The following BRF1 variants were observed in gnomAD, a reference collection of about 807,000 sequenced individuals.
BRF1 encodes BRF1 general transcription factor IIIB subunit.
BRF1 carries 59 observed loss-of-function variants against 81.7 expected under a neutral mutation model. That is an observed-to-expected ratio of 0.72 (90% CI 0.59 to 0.90). The LOEUF is 0.90. Among genes scored for constraint, BRF1 ranks in the 40% least tolerant of loss-of-function variants. The pLI, the probability that BRF1 is intolerant of heterozygous loss-of-function variation, is 0.00. For synonymous variants in BRF1, 491 were observed against 395.6 expected, an observed-to-expected ratio of 1.24 and a Z score of -2.86; for missense variants, 1,050 against 936.3, an observed-to-expected ratio of 1.12 and a Z score of -1.58.
intron 2 of BRF1, among the ~76,000 whole-genome samples, chr14:105,281,341 C>A (rs1156429854): frequency 4.2e-5 from 6 of 142,552 alleles, no homozygotes; most frequent in African/African-American, 1.1e-4. Flanking sequence ...TGATCCTGAG[C>A]CCAGGTGTGC....
chr14:105,252,719 G>T, intron 4 of BRF1, 140 bp from the exon 5 acceptor site: 2 of 892,148 alleles, frequency 2.2e-6, no homozygotes, highest in Non-Finnish European at 3.3e-6. Flanking sequence ...CCGCAAGCCT[G>T]GCTGGCCTCC....
At chr14:105,244,591 T>C (rs983822862) in intron 5 of BRF1, among the ~76,000 whole-genome samples, 6 of 151,926 alleles carry the variant, frequency 3.9e-5, no homozygotes, top group Non-Finnish European at 5.9e-5. Flanking sequence ...CATTTCATCA[T>C]GGAAAGGAAC....
chr14:105,248,657 G>A (rs1290360236), intron 5 of BRF1: 4 of 980,834 alleles, frequency 4.1e-6, no homozygotes, highest in Middle Eastern at 5.2e-4. Flanking sequence ...TCGCAGGGGC[G>A]GGGGTGGCAG....
At position 105,271,436 on chromosome 14, in the gene BRF1, T is replaced by G. The variant is rs2056650348; in HGVS notation, c.439+1285A>C. On this transcript the variant is annotated intron_variant, in intron 3 of 17. Coordinates refer to ENST00000547530, the MANE Select transcript of BRF1 (RefSeq NM_001519.4). The surrounding 1 kb of genome is among the most constrained non-coding windows in gnomAD (Gnocchi z 5.5). Reference sequence around the variant, plus strand: ...GCAAGGCGACGGCAGGGGCGCAGGCTGGGAGGCAGACATGTGGCCGGGCAC... The same window carrying G: ...GCAAGGCGACGGCAGGGGCGCAGGCGGGGAGGCAGACATGTGGCCGGGCAC... 1.3e-5 allele frequency among the ~76,000 whole-genome samples: 2 copies of G among 152,158 alleles called. No individual in the cohort carries two copies. The highest frequency in any genetic ancestry group is 4.8e-5 in the African/African-American group (2 of 41,426).
chr14:105,313,736 C>T (rs1206271085), intron 1 of BRF1, among the ~76,000 whole-genome samples: 2 of 152,204 alleles, frequency 1.3e-5, no homozygotes, highest in Non-Finnish European at 2.9e-5. Flanking sequence ...AAGAGAAAAG[C>T]AACTGTAAAC....
chr14:105,225,938 G>A, intron 10 of BRF1, 131 bp downstream of exon 10: 2 of 952,840 alleles, frequency 2.1e-6, no homozygotes, highest in Non-Finnish European at 3.1e-6. Flanking sequence ...GAGCCACCCT[G>A]CCCGGTGGTA....
At chr14:105,306,525 G>A (rs587764542) in intron 1 of BRF1, among the ~76,000 whole-genome samples, 3 of 152,122 alleles carry the variant, frequency 2.0e-5, no homozygotes, top group East Asian at 1.9e-4. Flanking sequence ...GGATGGCCTC[G>A]ATCTCCTGAC....
intron 1 of BRF1, among the ~76,000 whole-genome samples, chr14:105,296,077 T>C (rs1156991205): frequency 1.1e-4 from 9 of 84,114 alleles, no homozygotes; most frequent in African/African-American, 4.8e-4. Flanking sequence ...CGACACTCTA[T>C]CTCAAAAAAA....
intron 3 of BRF1, among the ~76,000 whole-genome samples, chr14:105,266,046 G>A (rs1251344242): frequency 1.3e-5 from 2 of 152,132 alleles, no homozygotes; most frequent in East Asian, 3.8e-4. Context: ...ACTCCAGCCT[G>A]GGTGAGGCAG....
chr14:105,284,353 C>T lies in BRF1; in HGVS notation c.265+1943G>A, dbSNP rs2057235141. On this transcript the variant is annotated intron_variant, in intron 2 of 17. Coordinates refer to ENST00000547530, the MANE Select transcript of BRF1 (RefSeq NM_001519.4). This position sits in a 1 kb window ranked among gnomAD's most constrained non-coding sequence, Gnocchi z 4.0. ...CACAAGGGAAGCGTAAGGATCCATCCACTCTGCTGTGAGGGATCATCGCAA... is the reference window on the plus strand; with the variant it reads ...CACAAGGGAAGCGTAAGGATCCATCTACTCTGCTGTGAGGGATCATCGCAA... Among the ~76,000 whole-genome samples, 1 of 152,166 alleles carries T rather than the reference C, an allele frequency of 6.6e-6. No individual in the cohort carries two copies. The highest frequency in any genetic ancestry group is 6.5e-5 in the Admixed American group (1 of 15,274).
chr14:105,315,019 GC>G lies in BRF1; in HGVS notation c.-162+302del. 1 of 1,226,110 alleles carries G rather than the reference GC, an allele frequency of 8.2e-7. No individual in the cohort carries two copies. The highest frequency in any genetic ancestry group is 1.0e-6 in the Non-Finnish European group (1 of 965,528). 76.0% of individuals were successfully genotyped at this position (1,226,110 alleles called of 1,614,324 possible). The stretch of plus-strand genomic sequence containing the variant: ...GCCACCTGGGAGGTGGACGGCTCCA[GC>G]CCCAGCTGCGTGCCCAGGTACGCGC... On this transcript the variant is annotated intron_variant, in intron 1 of 17. Transcript: ENST00000327359. This position sits in a 1 kb window ranked among gnomAD's most constrained non-coding sequence, Gnocchi z 4.4.
intron 10 of BRF1, among the ~76,000 whole-genome samples, chr14:105,225,287 T>C (rs899875120): frequency 6.6e-6 from 1 of 152,108 alleles, no homozygotes; most frequent in Non-Finnish European, 1.5e-5. Context: ...AAAAACAAGA[T>C]TCTAAGCCCC....
chr14:105,222,601 G>A (rs1892454747), intron 10 of BRF1: 1 of 152,056 alleles, frequency 6.6e-6, no homozygotes, highest in African/African-American at 2.4e-5. Flanking sequence ...TCCACGCATG[G>A]TGCTAACCCT....
chr14:105,228,712 C>CG (rs1472500738), intron 7 of BRF1, 108 bp downstream of exon 7: 1 of 1,278,726 alleles, frequency 7.8e-7, no homozygotes, highest in Non-Finnish European at 1.1e-6. Context: ...AGCAGCCAGG[C>CG]GGGGGACGGC....
intron 16 of BRF1, chr14:105,211,902 T>C: frequency 1.5e-6 from 1 of 660,370 alleles, no homozygotes; most frequent in South Asian, 1.8e-5. Flanking sequence ...CACACAACGG[T>C]CCCCACTTCC....
At chr14:105,262,567 C>T (rs2056208733) in intron 3 of BRF1, among the ~76,000 whole-genome samples, 1 of 152,206 alleles carries the variant, frequency 6.6e-6, no homozygotes, top group Non-Finnish European at 1.5e-5. Flanking sequence ...TCATGCATGG[C>T]CTCTGTGAAG....
At chr14:105,228,232 G>A (rs118029765) in intron 7 of BRF1, 1 of 152,512 alleles carries the variant, frequency 6.6e-6, no homozygotes, top group Non-Finnish European at 1.5e-5. Flanking sequence ...TTGTGACTTA[G>A]GGCAACTTTA....
intron 3 of BRF1, among the ~76,000 whole-genome samples, chr14:105,265,494 G>A (rs1480391156): frequency 6.6e-6 from 1 of 152,152 alleles, no homozygotes; most frequent in Non-Finnish European, 1.5e-5. Context: ...GTTCACGCCT[G>A]TAATCCCAGC....
At chr14:105,287,366 A>G (rs967797657) in intron 1 of BRF1, among the ~76,000 whole-genome samples, 1 of 152,184 alleles carries the variant, frequency 6.6e-6, no homozygotes, top group African/African-American at 2.4e-5. Context: ...CGAGAACAGT[A>G]AGGTGAGGCC....
Sources: allele counts gnomAD v4.1 joint callset (sites outside exome capture counted in the v4.1 genomes callset), GRCh38; gene constraint gnomAD v4.1.1; non-coding constraint Gnocchi (gnomAD v3.1); transcripts MANE v1.5; gene names NCBI Gene and HGNC (gene_info 2026-07-23, HGNC 2026-07-21).